The following NBEA variants were observed in gnomAD, a reference collection of about 807,000 sequenced individuals.
The protein encoded by NBEA is lysosomal-trafficking regulator 2.
A neutral mutation model predicts 343.4 loss-of-function variants in NBEA; 44 were observed. The observed-to-expected ratio is 0.13, with a 90% confidence interval of 0.10 to 0.16. NBEA has a LOEUF of 0.16. NBEA is among the 10% of genes least tolerant of loss of function. The pLI, the probability that NBEA is intolerant of heterozygous loss-of-function variation, is 1.00. For synonymous variants in NBEA, 1,175 were observed against 1,238.7 expected, an observed-to-expected ratio of 0.95 and a Z score of 1.08; for missense variants, 2,555 against 3,631.3, an observed-to-expected ratio of 0.70 and a Z score of 7.62.
chr13:35,361,084 G>A (rs141034641), intron 38 of NBEA, among the ~76,000 whole-genome samples: 17 of 151,582 alleles, frequency 1.1e-4, no homozygotes, highest in African/African-American at 3.6e-4. Flanking sequence ...TGAAAACCAA[G>A]GTAAAGAAAA....
intron 33 of NBEA, among the ~76,000 whole-genome samples, chr13:35,231,855 T>G (rs1325127085): frequency 1.3e-5 from 2 of 152,142 alleles, no homozygotes; most frequent in Non-Finnish European, 2.9e-5. Flanking sequence ...TAAGCAGAAA[T>G]ATTTTCCTCC....
chr13:35,450,419 C>T (rs2046252926), intron 39 of NBEA, among the ~76,000 whole-genome samples: 1 of 152,022 alleles, frequency 6.6e-6, no homozygotes, highest in South Asian at 2.1e-4. Context: ...CCTGGGAGGT[C>T]GATGCTGCAG....
intron 31 of NBEA, among the ~76,000 whole-genome samples, chr13:35,204,673 C>T (rs1183585510): frequency 4.0e-5 from 6 of 150,950 alleles, no homozygotes; most frequent in African/African-American, 1.2e-4. Context: ...TCAAGGTATC[C>T]GTCAGGATGA....
intron 1 of NBEA, among the ~76,000 whole-genome samples, chr13:34,977,867 G>A (rs750412217): frequency 2.0e-5 from 3 of 152,044 alleles, no homozygotes; most frequent in South Asian, 2.1e-4. Context: ...TCAGGATGGA[G>A]TACAGTGGTA....
intron 19 of NBEA, 95 bp downstream of exon 19, chr13:35,155,950 G>T (rs1403313837): frequency 2.0e-6 from 3 of 1,479,066 alleles, no homozygotes; most frequent in Admixed American, 3.6e-5. Flanking sequence ...AATCATTATG[G>T]TGTTTACCTA....
chr13:35,363,948 C>T lies in NBEA; in HGVS notation c.6179+11625C>T, dbSNP rs559810672. On this transcript the variant is annotated intron_variant, in intron 38 of 58. Transcript: ENST00000379939. ...ATCCTTCATTGGGTGAATGGTGGTG[C>T]CACTCTTGGAACTGACAAATGCAGA... 2.0e-5 allele frequency among the ~76,000 whole-genome samples: 3 copies of T among 151,892 alleles called. No individual in the cohort carries two copies. The East Asian group carries it at 5.8e-4, about 29-fold the overall frequency.
intron 8 of NBEA, among the ~76,000 whole-genome samples, chr13:35,060,007 A>G (rs1037713839): frequency 7.3e-5 from 11 of 151,596 alleles, no homozygotes; most frequent in African/African-American, 2.7e-4. Context: ...TTGGGTTTGC[A>G]TCCTGGTTCT....
chr13:35,587,397 T>G (rs770270445), intron 46 of NBEA, among the ~76,000 whole-genome samples: 3 of 151,796 alleles, frequency 2.0e-5, no homozygotes, highest in Non-Finnish European at 2.9e-5. Flanking sequence ...AAACTAGAGA[T>G]TTTCACCCTG....
intron 34 of NBEA, among the ~76,000 whole-genome samples, chr13:35,243,749 A>G (rs924019000): frequency 1.8e-4 from 28 of 151,942 alleles, no homozygotes; most frequent in African/African-American, 6.3e-4. Flanking sequence ...TCCTAAGTGT[A>G]AGAAGCAAAT....
intron 1 of NBEA, among the ~76,000 whole-genome samples, chr13:35,007,680 A>G (rs573810521): frequency 6.6e-6 from 1 of 152,128 alleles, no homozygotes; most frequent in Admixed American, 6.5e-5. Context: ...ATTGGTGGAG[A>G]TGGGGCTTTA....
chr13:35,156,107 T>C lies in NBEA; in HGVS notation c.2552T>C (p.Leu851Ser). The change falls in exon 20 of 59, where the codon TTG becomes TCG. Residue 851 changes from leucine to serine, a missense_variant. Leu to Ser is a moderately radical substitution (Grantham distance 145, BLOSUM62 -2). This residue lies in a region of NBEA where 360 missense variants were observed against 519.1 expected (regional missense o/e 0.69). Transcript: ENST00000379939. Reference sequence around the variant, plus strand: ...GTGATTCTTAAAGTGGTGGCAACTTTGTTAAAAAACTCTACACCAAGTGCA... The same window carrying C: ...GTGATTCTTAAAGTGGTGGCAACTTCGTTAAAAAACTCTACACCAAGTGCA... ...NPMILKVVAT[L>S]LKNSTPSAEL... The C allele has an allele frequency of 6.3e-7, 1 of 1,583,740 alleles. No homozygotes were observed. Among genetic ancestry groups the C allele is most frequent in the Non-Finnish European group, 8.6e-7 (1 of 1,169,574 alleles).
chr13:34,979,556 A>G (rs894127621), intron 1 of NBEA, among the ~76,000 whole-genome samples: 1 of 152,112 alleles, frequency 6.6e-6, no homozygotes, highest in Non-Finnish European at 1.5e-5. Flanking sequence ...TCCCCTGGGA[A>G]GTACCTATTC....
At chr13:35,264,603 C>A (rs973300080) in intron 34 of NBEA, among the ~76,000 whole-genome samples, 1 of 45,418 alleles carries the variant, frequency 2.2e-5, no homozygotes, top group African/African-American at 8.4e-5. Flanking sequence ...ATACATTAAT[C>A]AATAAATGGT....
At chr13:35,429,416 T>G (rs1458530788) in intron 38 of NBEA, among the ~76,000 whole-genome samples, 1 of 152,146 alleles carries the variant, frequency 6.6e-6, no homozygotes, top group South Asian at 2.1e-4. Flanking sequence ...ACTGCTGTTT[T>G]TTTTTGATCT....
intron 36 of NBEA, among the ~76,000 whole-genome samples, chr13:35,346,634 A>G (rs909901754): frequency 5.9e-5 from 9 of 152,060 alleles, no homozygotes; most frequent in Non-Finnish European, 5.9e-5. Context: ...CAACTTTCCC[A>G]TTAGAATGTG....
intron 55 of NBEA, among the ~76,000 whole-genome samples, chr13:35,657,309 A>T (rs994747219): frequency 6.6e-6 from 1 of 152,242 alleles, no homozygotes; most frequent in Non-Finnish European, 1.5e-5. Context: ...TGTCTATTGT[A>T]CATACGAGTC....
intron 38 of NBEA, among the ~76,000 whole-genome samples, chr13:35,367,882 C>G (rs1392265563): frequency 6.6e-6 from 1 of 151,482 alleles, no homozygotes; most frequent in Non-Finnish European, 1.5e-5. Flanking sequence ...ATACACATTA[C>G]TAAGCAGTAA....
chr13:35,551,127 T>C lies in NBEA; in HGVS notation c.6806+95T>C, dbSNP rs369338779. ...AAATGTGGTTATAACATTATAATTA[T>C]TTCAGAGACCAAAGAATTTTCTTTC... is the stretch of plus-strand genomic sequence containing the variant. On this transcript the variant is annotated intron_variant, in intron 43 of 58. Transcript: ENST00000379939. 495 of 657,604 alleles carry C rather than the reference T, an allele frequency of 7.5e-4. 2 individuals are homozygous for C. In the African/African-American group the frequency reaches 8.8e-3, roughly 12 times the overall value. 40.7% of individuals were successfully genotyped at this position (657,604 alleles called of 1,614,324 possible).
At chr13:35,065,553 G>A (rs996995078) in intron 8 of NBEA, among the ~76,000 whole-genome samples, 2 of 151,600 alleles carry the variant, frequency 1.3e-5, no homozygotes, top group African/African-American at 4.8e-5. Flanking sequence ...CTATTTCCTT[G>A]CTTTGGTTTT....
Sources: allele counts gnomAD v4.1 joint callset (sites outside exome capture counted in the v4.1 genomes callset), GRCh38; gene constraint gnomAD v4.1.1; regional missense constraint gnomAD v4.1.1; transcripts MANE v1.5; gene names NCBI Gene and HGNC (gene_info 2026-07-23, HGNC 2026-07-21).